The following FBLN5 variants were observed in gnomAD, a reference collection of about 807,000 sequenced individuals.
The protein encoded by FBLN5 is fibulin 5.
Under a neutral mutation model 61.6 loss-of-function variants are expected in FBLN5, and 24 were observed. That is an observed-to-expected ratio of 0.39 (90% confidence interval 0.28 to 0.55). FBLN5 has a LOEUF of 0.55. Among genes scored for constraint, FBLN5 ranks in the 20% least tolerant of loss-of-function variants. FBLN5 has a pLI of 0.65. For missense variants in FBLN5, 470 were observed against 594.1 expected, an observed-to-expected ratio of 0.79 and a Z score of 2.17; for synonymous variants, 213 against 219.8, an observed-to-expected ratio of 0.97 and a Z score of 0.27.
chr14:91,938,592 G>T (rs1215634922), intron 3 of FBLN5: 1 of 152,350 alleles, frequency 6.6e-6, no homozygotes, highest in Non-Finnish European at 1.5e-5. Context: ...GCCAGGCTGG[G>T]CTCTGCTTGT....
chr14:91,944,436 G>A (rs1202029491), intron 1 of FBLN5, among the ~76,000 whole-genome samples: 2 of 152,142 alleles, frequency 1.3e-5, no homozygotes, highest in Non-Finnish European at 2.9e-5. Flanking sequence ...ATGTGATCCA[G>A]CCATTCTACT....
At chr14:91,946,741 A>G in intron 1 of FBLN5, 1 of 1,536,066 alleles carries the variant, frequency 6.5e-7, no homozygotes, top group Non-Finnish European at 8.7e-7. Flanking sequence ...CCCACTTCTC[A>G]TTGGCTTGAA....
At chr14:91,887,695 C>G (rs1362930985) in intron 6 of FBLN5, among the ~76,000 whole-genome samples, 1 of 152,148 alleles carries the variant, frequency 6.6e-6, no homozygotes, top group Non-Finnish European at 1.5e-5. Context: ...ACCCCTCACC[C>G]TCACTGACTT....
At chr14:91,938,378 C>A (rs2056053695) in intron 3 of FBLN5, 1 of 162,818 alleles carries the variant, frequency 6.1e-6, no homozygotes, top group Non-Finnish European at 1.3e-5. Flanking sequence ...TCGCTTGAAC[C>A]CGGGAGGCAG....
intron 4 of FBLN5, among the ~76,000 whole-genome samples, chr14:91,909,749 G>T (rs1890841128): frequency 6.6e-6 from 1 of 152,158 alleles, no homozygotes; most frequent in South Asian, 2.1e-4. Context: ...CCAGAACCAT[G>T]AGCTAAATAG....
intron 4 of FBLN5, among the ~76,000 whole-genome samples, chr14:91,931,872 A>C (rs2140039880): frequency 6.6e-6 from 1 of 152,228 alleles, no homozygotes; most frequent in African/African-American, 2.4e-5. Context: ...GGGAGTCCAC[A>C]TCTTGGGTGC....
intron 4 of FBLN5, among the ~76,000 whole-genome samples, chr14:91,906,174 T>C (rs1324276564): frequency 6.6e-6 from 1 of 152,178 alleles, no homozygotes; most frequent in Non-Finnish European, 1.5e-5. Context: ...GGCATGACCA[T>C]GCCCGACTGA....
At chr14:91,903,381 C>A (rs1416262158) in intron 4 of FBLN5, among the ~76,000 whole-genome samples, 1 of 152,172 alleles carries the variant, frequency 6.6e-6, no homozygotes, top group Non-Finnish European at 1.5e-5. Flanking sequence ...TTCCTATGAA[C>A]TCAATTCCCT....
At chr14:91,881,507 G>T (rs1889467924) in intron 8 of FBLN5, 89 bp from the exon 9 acceptor site, 2 of 1,420,508 alleles carry the variant, frequency 1.4e-6, no homozygotes, top group Middle Eastern at 2.1e-4. Context: ...TCTTACTACA[G>T]AGCTGTACTA....
intron 4 of FBLN5, among the ~76,000 whole-genome samples, chr14:91,913,914 A>G (rs1891070277): frequency 6.6e-6 from 1 of 152,270 alleles, no homozygotes; most frequent in Non-Finnish European, 1.5e-5. Context: ...GAAAATTAAA[A>G]ATTCTTACAA....
At chr14:91,884,208 T>A (rs1889621860) in intron 7 of FBLN5, among the ~76,000 whole-genome samples, 1 of 152,056 alleles carries the variant, frequency 6.6e-6, no homozygotes, top group Non-Finnish European at 1.5e-5. Context: ...CTCCTTCCTG[T>A]CTCTCTCAGG....
chr14:91,914,899 C>T (rs542772069), intron 4 of FBLN5, among the ~76,000 whole-genome samples: 2 of 151,686 alleles, frequency 1.3e-5, no homozygotes, highest in East Asian at 1.9e-4. Flanking sequence ...GTGACTCACA[C>T]CTGTAATCCC....
intron 4 of FBLN5, 35 bp from the exon 5 acceptor site, chr14:91,895,107 A>G (rs970075035): frequency 6.2e-7 from 1 of 1,612,976 alleles, no homozygotes; most frequent in Admixed American, 1.7e-5. Flanking sequence ...AATGTCACTC[A>G]CATCCATCTA....
intron 7 of FBLN5, among the ~76,000 whole-genome samples, chr14:91,886,574 CCAT>C (rs1329003531): frequency 1.3e-5 from 2 of 152,100 alleles, no homozygotes; most frequent in East Asian, 3.8e-4. Flanking sequence ...GTCAACTAAC[CCAT>C]CATATCTATG....
chr14:91,896,188 G>A (rs562410908), intron 4 of FBLN5, among the ~76,000 whole-genome samples: 1 of 152,222 alleles, frequency 6.6e-6, no homozygotes, highest in East Asian at 1.9e-4. Flanking sequence ...AGGGGAGAGC[G>A]CCCAAGATCC....
intron 4 of FBLN5, among the ~76,000 whole-genome samples, chr14:91,902,531 C>T (rs1207547237): frequency 6.6e-6 from 1 of 152,114 alleles, no homozygotes; most frequent in Non-Finnish European, 1.5e-5. Context: ...CACATTTTAC[C>T]TAAATGAATC....
rs1437265800 is a variant in FBLN5 at position 91,883,006 on chromosome 14, G to A, written c.810C>T (p.Phe270=). 6.2e-7 allele frequency: 1 copy of A among 1,614,074 alleles called. No individual in the cohort carries two copies. Among genetic ancestry groups the A allele is most frequent in the African/African-American group, 1.3e-5 (1 of 74,958 alleles). ...HECVNQPGTY[F]CSCPPGYILL... is the part of the protein sequence containing the mutation. ...GGATGTAGCCTGGAGGGCAGGAGCAGAAGTATGTGCCGGGCTGGTTCACAC... is the reference window on the plus strand; with the variant it reads ...GGATGTAGCCTGGAGGGCAGGAGCAAAAGTATGTGCCGGGCTGGTTCACAC... The change falls in exon 8 of 11, where the codon TTC becomes TTT. Residue 270 remains phenylalanine, a synonymous_variant. Coordinates refer to ENST00000342058, the MANE Select transcript of FBLN5 (RefSeq NM_006329.4).
In FBLN5 at chr14:91,891,244, T is replaced by A. The variant is rs745867638; in HGVS notation, c.596A>T (p.Asn199Ile). 10 of 1,610,640 alleles carry A rather than the reference T, an allele frequency of 6.2e-6. No homozygotes were observed. In the East Asian group the frequency reaches 2.2e-4, roughly 36 times the overall value. ...ACCTTGGCAAGACCTTCCATCCTCA[T>A]TGAGGGTAAAACCAGGGTTGCATGT... ...SCTCNPGFTL[N>I]EDGRSCQDVN... Residue 199 changes from asparagine (N) to isoleucine (I), a missense_variant, in exon 6 of 11, where the codon AAT (asparagine) becomes ATT (isoleucine). Transcript: ENST00000342058.
At chr14:91,887,667 T>G (rs968992221) in intron 6 of FBLN5, among the ~76,000 whole-genome samples, 8 of 152,172 alleles carry the variant, frequency 5.3e-5, no homozygotes, top group Non-Finnish European at 7.3e-5. Flanking sequence ...CATCACCGGT[T>G]GCATTCCATC....
Sources: allele counts gnomAD v4.1 joint callset (sites outside exome capture counted in the v4.1 genomes callset), GRCh38; gene constraint gnomAD v4.1.1; transcripts MANE v1.5; gene names NCBI Gene and HGNC (gene_info 2026-07-23, HGNC 2026-07-21).